The following SLC44A5 variants were observed in gnomAD, a reference collection of about 807,000 sequenced individuals.
The protein encoded by SLC44A5 is choline transporter-like protein 5.
In SLC44A5, 57 loss-of-function variants were observed where a neutral mutation model predicts 101.8. That is an observed-to-expected ratio of 0.56 (90% CI 0.45 to 0.70). The LOEUF (loss-of-function observed/expected upper bound fraction) is 0.70. Ranked by LOEUF, SLC44A5 falls within the 30% of genes least tolerant of loss-of-function variation. The pLI is 0.00. For missense variants in SLC44A5, 737 were observed against 853.1 expected, an observed-to-expected ratio of 0.86 and a Z score of 1.70; for synonymous variants, 281 against 290.9, an observed-to-expected ratio of 0.97 and a Z score of 0.35.
At chr1:75,544,073 G>A (rs1671510453) in intron 1 of SLC44A5, among the ~76,000 whole-genome samples, 1 of 152,116 alleles carries the variant, frequency 6.6e-6, no homozygotes, top group Non-Finnish European at 1.5e-5. Flanking sequence ...AAATTTAATT[G>A]CCATTGTAAC....
chr1:75,669,541 C>T, the SLC44A5 span, among the ~76,000 whole-genome samples: 1 of 152,162 alleles, frequency 6.6e-6, no homozygotes, highest in African/African-American at 2.4e-5. Context: ...GGTGGGTAGC[C>T]GAGATTGATA....
intron 2 of SLC44A5, among the ~76,000 whole-genome samples, chr1:75,439,983 C>T (rs1411316089): frequency 2.6e-5 from 4 of 151,550 alleles, no homozygotes; most frequent in Non-Finnish European, 1.5e-5. Context: ...CACTTTTGAA[C>T]AGAAAAAAAT....
intron 5 of SLC44A5, among the ~76,000 whole-genome samples, chr1:75,299,735 G>A (rs1654270458): frequency 6.6e-6 from 1 of 151,962 alleles, no homozygotes; most frequent in Non-Finnish European, 1.5e-5. Context: ...AATGGGCCAG[G>A]CACAGTAGCT....
At chr1:75,256,454 T>C (rs368900741) in intron 6 of SLC44A5, among the ~76,000 whole-genome samples, 1 of 152,176 alleles carries the variant, frequency 6.6e-6, no homozygotes, top group Non-Finnish European at 1.5e-5. Flanking sequence ...ATGCTGCTAA[T>C]GAAGTGTGAG....
At chr1:75,637,454 A>G in the SLC44A5 span, among the ~76,000 whole-genome samples, 1 of 152,030 alleles carries the variant, frequency 6.6e-6, no homozygotes, top group African/African-American at 2.4e-5. Context: ...TAGAATAGTC[A>G]AAGTCATAGA....
At chr1:75,211,875 T>C (rs1341974357) in intron 22 of SLC44A5, among the ~76,000 whole-genome samples, 1 of 148,392 alleles carries the variant, frequency 6.7e-6, no homozygotes, top group Admixed American at 6.8e-5. Flanking sequence ...CTTCCCTTCC[T>C]CCCTTCCTTC....
chr1:75,651,447 C>A, the SLC44A5 span, among the ~76,000 whole-genome samples: 1 of 152,034 alleles, frequency 6.6e-6, no homozygotes, highest in Non-Finnish European at 1.5e-5. Flanking sequence ...AAACAATACT[C>A]GCACTCTGGG....
At chr1:75,608,699 A>G (rs1013683175) in intron 1 of SLC44A5, among the ~76,000 whole-genome samples, 4 of 151,824 alleles carry the variant, frequency 2.6e-5, no homozygotes, top group Non-Finnish European at 5.9e-5. Context: ...TTAGTCAAAC[A>G]TACCAGGTAT....
At position 75,296,366 on chromosome 1, in the gene SLC44A5, C is replaced by CT. The variant is rs200894510; in HGVS notation, c.175+4245dup. Reference sequence around the variant, plus strand: ...TCCACCCTCTAGCCAGTTTTTTTTTCTTTTTTTTTTTTTTTAATATTCCCT... The same window carrying CT: ...TCCACCCTCTAGCCAGTTTTTTTTTCTTTTTTTTTTTTTTTTAATATTCCCT... On this transcript the variant is annotated intron_variant, in intron 5 of 23. Transcript: ENST00000370859. 5.3e-3 allele frequency among the ~76,000 whole-genome samples: 768 copies of CT among 144,562 alleles called. 9 individuals are homozygous for CT. Among genetic ancestry groups the CT allele is most frequent in the African/African-American group, 0.018 (711 of 39,132 alleles). The allele number at this position is 144,562 out of a possible 152,430, so 94.8% of individuals were successfully genotyped here.
chr1:75,258,654 C>T (rs1650227182), intron 6 of SLC44A5, among the ~76,000 whole-genome samples: 1 of 152,100 alleles, frequency 6.6e-6, no homozygotes, highest in Non-Finnish European at 1.5e-5. Context: ...AGCAGATCTC[C>T]CAGCACAGCG....
the SLC44A5 span, among the ~76,000 whole-genome samples, chr1:75,646,374 A>G: frequency 6.6e-6 from 1 of 151,846 alleles, no homozygotes; most frequent in East Asian, 1.9e-4. Context: ...ATTCCTAGGT[A>G]TTTTATTCTC....
At chr1:75,532,794 C>G (rs1670794258) in intron 2 of SLC44A5, among the ~76,000 whole-genome samples, 1 of 152,230 alleles carries the variant, frequency 6.6e-6, no homozygotes, top group Admixed American at 6.5e-5. Flanking sequence ...AATCCCAGCA[C>G]TTTGGGAGGC....
At chr1:75,489,733 C>CA (rs1169094435) in intron 2 of SLC44A5, among the ~76,000 whole-genome samples, 11 of 152,072 alleles carry the variant, frequency 7.2e-5, no homozygotes, top group East Asian at 1.9e-4. Flanking sequence ...AAGATACTGA[C>CA]AAAAAATAAG....
intron 14 of SLC44A5, among the ~76,000 whole-genome samples, chr1:75,220,906 A>G (rs1484369209): frequency 6.6e-6 from 1 of 152,202 alleles, no homozygotes; most frequent in Admixed American, 6.5e-5. Flanking sequence ...TTTACCCTGT[A>G]TTCTCACACC....
chr1:75,392,631 A>C (rs1410340310), intron 3 of SLC44A5, among the ~76,000 whole-genome samples: 1 of 152,192 alleles, frequency 6.6e-6, no homozygotes, highest in African/African-American at 2.4e-5. Context: ...CTACTGCTCA[A>C]CCTAGCAATC....
intron 2 of SLC44A5, among the ~76,000 whole-genome samples, chr1:75,531,077 A>T (rs746817723): frequency 6.6e-6 from 1 of 152,214 alleles, no homozygotes; most frequent in Non-Finnish European, 1.5e-5. Flanking sequence ...TCCACAGGAC[A>T]ATAACATGGG....
At chr1:75,622,912 G>A in the SLC44A5 span, among the ~76,000 whole-genome samples, 12 of 152,014 alleles carry the variant, frequency 7.9e-5, no homozygotes, top group African/African-American at 2.7e-4. Context: ...TGAATCATTT[G>A]CATAAAAAAC....
intron 3 of SLC44A5, among the ~76,000 whole-genome samples, chr1:75,372,054 G>A (rs376404249): frequency 1.1e-4 from 16 of 152,018 alleles, no homozygotes; most frequent in Middle Eastern, 3.2e-3. Context: ...AACATTAGCC[G>A]GGCATGTTGG....
intron 1 of SLC44A5, among the ~76,000 whole-genome samples, chr1:75,568,252 G>T (rs770083496): frequency 2.0e-5 from 3 of 152,054 alleles, no homozygotes; most frequent in African/African-American, 7.3e-5. Flanking sequence ...AATAAAGAAT[G>T]ATTACTTTCT....
Sources: gnomAD v4.1 joint callset for allele counts (sites outside exome capture counted in the v4.1 genomes callset) on GRCh38, gnomAD v4.1.1 for gene constraint, MANE v1.5 for transcripts, NCBI Gene and HGNC (gene_info 2026-07-23, HGNC 2026-07-21) for gene names.